The following ABTB3 variants were observed in gnomAD, a reference collection of about 807,000 sequenced individuals.
The protein encoded by ABTB3 is ankyrin repeat and BTB domain containing 3, also known as ankyrin repeat- and BTB/POZ domain-containing protein 3.
the ABTB3 span, among the ~76,000 whole-genome samples, chr12:107,489,686 G>A: frequency 6.6e-6 from 1 of 152,204 alleles, no homozygotes; most frequent in Non-Finnish European, 1.5e-5. Context: ...CAAAGTGGAA[G>A]CAACCTAAAT....
the ABTB3 span, among the ~76,000 whole-genome samples, chr12:107,421,881 C>T: frequency 6.6e-6 from 1 of 152,134 alleles, no homozygotes; most frequent in South Asian, 2.1e-4. Context: ...CTCAGGCTCT[C>T]GACAAATACT....
the ABTB3 span, among the ~76,000 whole-genome samples, chr12:107,560,595 T>C: frequency 6.6e-6 from 1 of 152,172 alleles, no homozygotes; most frequent in African/African-American, 2.4e-5. Context: ...GAAGATCGCT[T>C]TTCACATCTC....
At chr12:107,512,645 T>G in the ABTB3 span, among the ~76,000 whole-genome samples, 5 of 152,196 alleles carry the variant, frequency 3.3e-5, no homozygotes, top group Non-Finnish European at 5.9e-5. Flanking sequence ...AGAAGCAGTA[T>G]GCTGAGTGGC....
chr12:107,595,468 A>T, the ABTB3 span, among the ~76,000 whole-genome samples: 1 of 152,306 alleles, frequency 6.6e-6, no homozygotes, highest in African/African-American at 2.4e-5. Context: ...AGAGGTGGGG[A>T]ACTTCCCAGA....
At chr12:107,348,034 G>T in the ABTB3 span, among the ~76,000 whole-genome samples, 1 of 152,008 alleles carries the variant, frequency 6.6e-6, no homozygotes, top group African/African-American at 2.4e-5. Flanking sequence ...TTGAAAGATG[G>T]GTTTTGAAAG....
the ABTB3 span, chr12:107,520,531 C>G: frequency 1.4e-5 from 22 of 1,614,246 alleles, no homozygotes; most frequent in Non-Finnish European, 1.9e-5. Context: ...CAGAGACCCA[C>G]AGCGGTCAAA....
the ABTB3 span, among the ~76,000 whole-genome samples, chr12:107,416,309 T>C: frequency 6.6e-6 from 1 of 152,196 alleles, no homozygotes; most frequent in Non-Finnish European, 1.5e-5. Context: ...CTTCCTTTTA[T>C]TGAGCACCTG....
chr12:107,480,387 A>C, the ABTB3 span, among the ~76,000 whole-genome samples: 1 of 152,168 alleles, frequency 6.6e-6, no homozygotes, highest in South Asian at 2.1e-4. Flanking sequence ...TGGCAGAGGA[A>C]TATCAGGTGG....
chr12:107,587,197 C>T, the ABTB3 span, among the ~76,000 whole-genome samples: 3,440 of 152,296 alleles, frequency 0.023, 119 homozygotes, highest in African/African-American at 0.076. Flanking sequence ...TTTTATGCTA[C>T]GCAAAAGAAC....
the ABTB3 span, among the ~76,000 whole-genome samples, chr12:107,428,934 G>A: frequency 1.3e-5 from 2 of 152,240 alleles, no homozygotes; most frequent in Non-Finnish European, 2.9e-5. Flanking sequence ...GGCCGAGAGA[G>A]GCGATGAGGT....
the ABTB3 span, among the ~76,000 whole-genome samples, chr12:107,448,399 A>C: frequency 6.6e-6 from 1 of 152,192 alleles, no homozygotes; most frequent in African/African-American, 2.4e-5. Flanking sequence ...TGCTCTGCCC[A>C]CAGGGGGCCC....
At chr12:107,482,964 CTTTCTTTCT>C in the ABTB3 span, among the ~76,000 whole-genome samples, 5 of 69,076 alleles carry the variant, frequency 7.2e-5, no homozygotes, top group African/African-American at 3.2e-4. Context: ...TTCTTTCTTT[CTTTCTTTCT>C]TTCTTTCTTT....
the ABTB3 span, among the ~76,000 whole-genome samples, chr12:107,324,832 A>C: frequency 6.6e-6 from 1 of 152,236 alleles, no homozygotes; most frequent in African/African-American, 2.4e-5. Flanking sequence ...GAATGATGAA[A>C]AGGAAAGGGA....
the ABTB3 span, among the ~76,000 whole-genome samples, chr12:107,455,050 T>C: frequency 3.1e-3 from 475 of 152,348 alleles, 5 homozygotes; most frequent in African/African-American, 0.011. Context: ...ATTGCTATTA[T>C]GGAGTTAGCA....
chr12:107,441,440 A>G, the ABTB3 span, among the ~76,000 whole-genome samples: 2 of 152,144 alleles, frequency 1.3e-5, no homozygotes, highest in African/African-American at 2.4e-5. Context: ...GAGGGGATCA[A>G]CACATACTGG....
At chr12:107,476,741 C>A in the ABTB3 span, among the ~76,000 whole-genome samples, 1 of 151,516 alleles carries the variant, frequency 6.6e-6, no homozygotes, top group Non-Finnish European at 1.5e-5. Flanking sequence ...TGTCTGCTCT[C>A]ATCCCCCACC....
At chr12:107,385,746 C>A in the ABTB3 span, among the ~76,000 whole-genome samples, 17 of 152,030 alleles carry the variant, frequency 1.1e-4, no homozygotes, top group Non-Finnish European at 1.8e-4. Flanking sequence ...CTACGTGCAC[C>A]CCCCCAAGCC....
chr12:107,487,758 C>T, the ABTB3 span, among the ~76,000 whole-genome samples: 1 of 152,068 alleles, frequency 6.6e-6, no homozygotes, highest in Non-Finnish European at 1.5e-5. Context: ...GAATCATTGC[C>T]AGAAAGACCG....
At chr12:107,617,051 C>T in the ABTB3 span, 3 of 1,594,724 alleles carry the variant, frequency 1.9e-6, no homozygotes, top group African/African-American at 4.0e-5. Context: ...CACAGTGTAT[C>T]TCCTCTCACC....
Sources: gnomAD v4.1 joint callset for allele counts (sites outside exome capture counted in the v4.1 genomes callset) on GRCh38, gnomAD v4.1.1 for gene constraint, MANE v1.5 for transcripts, NCBI Gene and HGNC (gene_info 2026-07-23, HGNC 2026-07-21) for gene names.